The following FERMT2 variants were observed in gnomAD, a reference collection of about 807,000 sequenced individuals.
The protein encoded by FERMT2 is fermitin family homolog 2.
A neutral mutation model predicts 82.7 loss-of-function variants in FERMT2; 15 were observed. That is an observed-to-expected ratio of 0.18 (90% CI 0.12 to 0.28). The LOEUF (loss-of-function observed/expected upper bound fraction) is 0.28. FERMT2 is among the 10% of genes least tolerant of loss of function. The probability of loss-of-function intolerance (pLI) is 1.00; values close to 1 mark genes in which losing one functional copy is unlikely to be tolerated. For synonymous variants in FERMT2, 274 were observed against 271.5 expected (o/e 1.01, Z -0.09); for missense variants, 645 against 809.4 (o/e 0.80, Z 2.46).
intron 2 of FERMT2, among the ~76,000 whole-genome samples, chr14:52,921,511 T>C (rs1888955074): frequency 6.6e-6 from 1 of 152,234 alleles, no homozygotes; most frequent in Non-Finnish European, 1.5e-5. Context: ...AACTAACTTT[T>C]GGAAACAGAA....
At chr14:52,886,885 T>C (rs766181321) in intron 4 of FERMT2, among the ~76,000 whole-genome samples, 2 of 152,216 alleles carry the variant, frequency 1.3e-5, no homozygotes, top group African/African-American at 2.4e-5. Flanking sequence ...ACATTTTTTA[T>C]ATTACTTGAG....
chr14:52,876,595 T>A (rs1043445096), intron 7 of FERMT2, among the ~76,000 whole-genome samples: 1 of 152,170 alleles, frequency 6.6e-6, no homozygotes, highest in Non-Finnish European at 1.5e-5. Context: ...GCAAGGGATA[T>A]CTTAAATTTC....
At chr14:52,938,038 T>G (rs1889926428) in intron 2 of FERMT2, among the ~76,000 whole-genome samples, 1 of 152,192 alleles carries the variant, frequency 6.6e-6, no homozygotes, top group African/African-American at 2.4e-5. Context: ...CTACACTTAT[T>G]TTGTTTATAA....
At chr14:52,919,610 A>G (rs1888831612) in intron 2 of FERMT2, among the ~76,000 whole-genome samples, 1 of 152,230 alleles carries the variant, frequency 6.6e-6, no homozygotes, top group South Asian at 2.1e-4. Context: ...AATGGGACAC[A>G]TGGATGACAG....
intron 3 of FERMT2, among the ~76,000 whole-genome samples, chr14:52,901,779 G>A (rs897479503): frequency 2.6e-5 from 4 of 152,180 alleles, no homozygotes; most frequent in African/African-American, 4.8e-5. Flanking sequence ...AGGAAGGAAC[G>A]CAGCCCTGCT....
intron 2 of FERMT2, among the ~76,000 whole-genome samples, chr14:52,940,633 C>T (rs1890048490): frequency 6.6e-6 from 1 of 152,152 alleles, no homozygotes; most frequent in Admixed American, 6.5e-5. Context: ...AATCCTAATA[C>T]ATTACACATT....
At position 52,858,539 on chromosome 14, in the gene FERMT2, C is replaced by T; in HGVS notation, c.1881G>A (p.Glu627=). The T allele has an allele frequency of 6.2e-7, 1 of 1,614,104 alleles. No homozygotes were observed. The highest frequency in any genetic ancestry group is 8.5e-7 in the Non-Finnish European group (1 of 1,179,962). Residue 627 remains glutamate (E), a synonymous_variant, in exon 15 of 15, where the codon GAG becomes GAA. Coordinates refer to ENST00000341590, the MANE Select transcript of FERMT2 (RefSeq NM_006832.3). ...VNWEIKMVTV[E]FADEVRLSFI... is the part of the protein sequence containing the mutation. ...AGGACAATCGTACTTCATCTGCAAA[C>T]TCTACGGTGACCTGGAACAAAGACA...
intron 2 of FERMT2, among the ~76,000 whole-genome samples, chr14:52,927,092 G>C (rs1870658582): frequency 6.6e-6 from 1 of 151,976 alleles, no homozygotes; most frequent in South Asian, 2.1e-4. Context: ...TCCCTCAACT[G>C]TAACAGAATG....
chr14:52,950,134 C>A (rs1354707368), intron 2 of FERMT2, among the ~76,000 whole-genome samples: 2 of 152,170 alleles, frequency 1.3e-5, no homozygotes, highest in African/African-American at 4.8e-5. Context: ...TTAACGAGTT[C>A]CCCGGCACAC....
chr14:52,928,081 A>G (rs1889385954), intron 2 of FERMT2: 1 of 327,416 alleles, frequency 3.1e-6, no homozygotes, highest in South Asian at 2.3e-5. Context: ...TTTGGAATGA[A>G]GAGGAGGTTA....
intron 2 of FERMT2, among the ~76,000 whole-genome samples, chr14:52,922,614 C>G (rs574720422): frequency 1.3e-5 from 2 of 152,226 alleles, no homozygotes; most frequent in South Asian, 4.1e-4. Context: ...TGATAAGGAG[C>G]TTTTGGGTAC....
chr14:52,906,947 G>T (rs62003537), intron 3 of FERMT2, among the ~76,000 whole-genome samples: 3 of 41,310 alleles, frequency 7.3e-5, no homozygotes, highest in African/African-American at 2.3e-4. Context: ...ATCAATTATT[G>T]GGGGGGGGGG....
intron 4 of FERMT2, among the ~76,000 whole-genome samples, chr14:52,889,366 A>C (rs1221889773): frequency 1.3e-5 from 2 of 152,238 alleles, no homozygotes; most frequent in Non-Finnish European, 2.9e-5. Context: ...CTGAAAGGAA[A>C]GAACTGAGGA....
At chr14:52,882,770 G>C (rs1322896533) in intron 4 of FERMT2, among the ~76,000 whole-genome samples, 2 of 138,906 alleles carry the variant, frequency 1.4e-5, no homozygotes, top group Non-Finnish European at 3.1e-5. Flanking sequence ...TTTTGTAGCT[G>C]TCATGACCTA....
intron 10 of FERMT2, among the ~76,000 whole-genome samples, chr14:52,866,006 G>A (rs1885258144): frequency 1.3e-5 from 2 of 152,076 alleles, no homozygotes; most frequent in African/African-American, 2.4e-5. Context: ...CATGTGTGAC[G>A]AACTGTTTAA....
rs1158405083 is a variant in FERMT2 at position 52,859,708 on chromosome 14, T to A, written c.1734A>T (p.Gln578His). ...CAATAAGTTCTTCTTTTTTGCCCCC[T>A]TGGAACCTATAACATTTAAGAAAAG... ...FGITHFIARF[Q>H]GGKKEELIGI... is the part of the protein sequence containing the mutation. The change falls in exon 14 of 15, where the codon CAA becomes CAT. Residue 578 changes from glutamine to histidine, a missense_variant. Physicochemically the swap from Gln to His is conservative, Grantham distance 24. Coordinates refer to ENST00000341590, the MANE Select transcript of FERMT2 (RefSeq NM_006832.3). 2 of 1,580,708 alleles carry A rather than the reference T, an allele frequency of 1.3e-6. No individual in the cohort carries two copies. The highest frequency in any genetic ancestry group is 2.7e-5 in the African/African-American group (2 of 73,760).
chr14:52,894,587 A>G (rs181084184), intron 3 of FERMT2, among the ~76,000 whole-genome samples: 7 of 152,296 alleles, frequency 4.6e-5, no homozygotes, highest in Admixed American at 4.6e-4. Flanking sequence ...GATGAATGAA[A>G]CAGAAGAGGG....
At chr14:52,877,045 A>G (rs947334946) in intron 7 of FERMT2, among the ~76,000 whole-genome samples, 1 of 152,106 alleles carries the variant, frequency 6.6e-6, no homozygotes, top group Admixed American at 6.6e-5. Context: ...CCCAAGATAC[A>G]CTCGGGGAGG....
At chr14:52,937,316 T>C (rs1189976615) in intron 2 of FERMT2, among the ~76,000 whole-genome samples, 1 of 152,206 alleles carries the variant, frequency 6.6e-6, no homozygotes, top group Non-Finnish European at 1.5e-5. Flanking sequence ...AAATATTAAG[T>C]GGATAAGTTA....
Sources: gnomAD v4.1 joint callset for allele counts (sites outside exome capture counted in the v4.1 genomes callset) on GRCh38, gnomAD v4.1.1 for gene constraint, MANE v1.5 for transcripts, NCBI Gene and HGNC (gene_info 2026-07-23, HGNC 2026-07-21) for gene names.